Variants in CNNM1 observed in about 807,000 individuals in gnomAD.
The protein encoded by CNNM1 is cyclin and CBS domain divalent metal cation transport mediator 1.
Under a neutral mutation model 78.8 loss-of-function variants are expected in CNNM1, and 44 were observed. That is an observed-to-expected ratio of 0.56 (90% CI 0.44 to 0.72). The LOEUF (loss-of-function observed/expected upper bound fraction) is 0.72, where lower values mean the gene tolerates loss of function less well. CNNM1 is among the 30% of genes least tolerant of loss of function. The probability of loss-of-function intolerance (pLI) is 0.00; values close to 1 mark genes in which losing one functional copy is unlikely to be tolerated. For missense variants in CNNM1, 1,101 were observed against 1,292.2 expected, an observed-to-expected ratio of 0.85 and a Z score of 2.27; for synonymous variants, 584 against 581.5, an observed-to-expected ratio of 1.00 and a Z score of -0.06.
chr10:99,379,527 G>A (rs994082546), intron 7 of CNNM1, among the ~76,000 whole-genome samples: 6 of 152,128 alleles, frequency 3.9e-5, no homozygotes, highest in Non-Finnish European at 8.8e-5. Context: ...TCTGAGTGCC[G>A]GCCCATGGTG....
chr10:99,355,551 C>A (rs745565033), intron 1 of CNNM1, among the ~76,000 whole-genome samples: 8 of 152,146 alleles, frequency 5.3e-5, no homozygotes, highest in Non-Finnish European at 1.2e-4. Flanking sequence ...AAAGAACCAA[C>A]CAGATTTTTA....
intron 1 of CNNM1, among the ~76,000 whole-genome samples, chr10:99,334,628 G>A (rs2030084457): frequency 6.6e-6 from 1 of 152,140 alleles, no homozygotes; most frequent in Non-Finnish European, 1.5e-5. Context: ...TCCAGCCTGG[G>A]TGACAGAGAA....
chr10:99,384,933 G>A (rs369296375), intron 7 of CNNM1, among the ~76,000 whole-genome samples: 16 of 151,956 alleles, frequency 1.1e-4, no homozygotes, highest in African/African-American at 2.9e-4. Flanking sequence ...GCTGGGCGTC[G>A]TGGTGTGCAC....
chr10:99,372,819 G>A (rs2031846115), intron 6 of CNNM1, among the ~76,000 whole-genome samples: 1 of 152,048 alleles, frequency 6.6e-6, no homozygotes, highest in South Asian at 2.1e-4. Flanking sequence ...AGAGGGGCCG[G>A]GACTTTCTCA....
chr10:99,342,958 T>C (rs942726807), intron 1 of CNNM1, among the ~76,000 whole-genome samples: 28 of 152,210 alleles, frequency 1.8e-4, no homozygotes, highest in Middle Eastern at 3.4e-3. Flanking sequence ...CCATCTTTTT[T>C]TTTCTTTCTT....
chr10:99,331,509 A>T (rs548397807), intron 1 of CNNM1, among the ~76,000 whole-genome samples: 1 of 152,166 alleles, frequency 6.6e-6, no homozygotes, highest in Non-Finnish European at 1.5e-5. Flanking sequence ...CTAAACCCAG[A>T]CACCTTAGAC....
chr10:99,379,701 A>G (rs2032080812), intron 7 of CNNM1, among the ~76,000 whole-genome samples: 1 of 149,392 alleles, frequency 6.7e-6, no homozygotes, highest in South Asian at 2.1e-4. Context: ...CTGGTCTCAA[A>G]CTCTCAGCCT....
chr10:99,364,653 C>T, intron 5 of CNNM1, 137 bp downstream of exon 5: 1 of 708,128 alleles, frequency 1.4e-6, no homozygotes, highest in Admixed American at 3.0e-5. Flanking sequence ...GCTTTAGTTC[C>T]TTCCTCTGCA....
Position 99,387,925 on chromosome 10 carries a change from C to T in CNNM1, c.2446C>T (p.Pro816Ser), listed in dbSNP as rs934101929. ...AFTDGDSTKA[P>S]TTRGTPQTPK... is the part of the protein sequence containing the mutation. ...CACAGACGGGGACTCCACTAAGGCCCCCACAACCCGGGGCACACCCCAGAC... is the reference window on the plus strand; with the variant it reads ...CACAGACGGGGACTCCACTAAGGCCTCCACAACCCGGGGCACACCCCAGAC... Residue 816 changes from proline to serine, a missense_variant, in exon 8 of 11, where the codon CCC becomes TCC. Coordinates refer to ENST00000356713, the MANE Select transcript of CNNM1 (RefSeq NM_020348.3). The T allele has an allele frequency of 3.1e-6, 5 of 1,613,594 alleles. No individual in the cohort carries two copies. The highest frequency in any genetic ancestry group is 3.3e-4 in the Middle Eastern group (2 of 6,062).
chr10:99,393,373 T>C lies in CNNM1; in HGVS notation c.*1857T>C, dbSNP rs1046938250. The C allele has an allele frequency of 1.3e-5, 2 of 152,346 alleles. No individual in the cohort carries two copies. 9.4% of individuals were successfully genotyped at this position (152,346 alleles called of 1,614,324 possible). A position where few individuals can be genotyped will look rare whatever the true frequency, so the allele number is the denominator to read the frequency against. The stretch of plus-strand genomic sequence containing the variant: ...ACTTGGGGTCCATCACCCCAGGGGG[T>C]CCATAGTTGGACTTCAGAGGGTCTA... On this transcript the variant is annotated 3_prime_UTR_variant, in exon 11 of 11. Transcript: ENST00000356713.
rs550762461 is a variant in CNNM1, at chr10:99,383,494, G to A, written c.2341-4326G>A. 3.9e-5 allele frequency among the ~76,000 whole-genome samples: 6 copies of A among 152,204 alleles called. No homozygotes were observed. The South Asian group carries it at 8.3e-4, about 21-fold the overall frequency. ...TCACCATGTTGGTCAGGCTGATCTC[G>A]AACTCCTGACCTTGTGATCCGCCCG... On this transcript the variant is annotated intron_variant, in intron 7 of 10. Coordinates refer to ENST00000356713, the MANE Select transcript of CNNM1 (RefSeq NM_020348.3).
At chr10:99,377,017 T>G in intron 6 of CNNM1, 38 bp from the exon 7 acceptor site, 2 of 560,148 alleles carry the variant, frequency 3.6e-6, no homozygotes, top group East Asian at 5.7e-5. Context: ...TCCCCACCCA[T>G]CCCTCCTTGT....
chr10:99,339,398 G>A (rs1350623554), intron 1 of CNNM1, among the ~76,000 whole-genome samples: 2 of 152,208 alleles, frequency 1.3e-5, no homozygotes, highest in Admixed American at 1.3e-4. Flanking sequence ...CAAAGCAGGG[G>A]TCCCTAACCC....
intron 1 of CNNM1, among the ~76,000 whole-genome samples, chr10:99,352,032 A>AT (rs552299642): frequency 5.2e-4 from 79 of 152,290 alleles, no homozygotes; most frequent in African/African-American, 1.9e-3. Context: ...CACTTAATGC[A>AT]TTTTTGTATA....
intron 1 of CNNM1, among the ~76,000 whole-genome samples, chr10:99,341,002 T>A (rs2030435480): frequency 6.6e-6 from 1 of 151,996 alleles, no homozygotes; most frequent in Admixed American, 6.6e-5. Flanking sequence ...TCCTAGGGCT[T>A]GCAGTCGAGT....
chr10:99,350,296 A>G (rs2030891563), intron 1 of CNNM1, among the ~76,000 whole-genome samples: 1 of 152,260 alleles, frequency 6.6e-6, no homozygotes, highest in African/African-American at 2.4e-5. Context: ...GTCACAAGTG[A>G]GGCAGAAACC....
rs946892465 is a variant in CNNM1, at chr10:99,347,172, G to A, written c.1574-10340G>A. ...GATAACAAACCTGCACATATACCCC[G>A]AACCTAAAATAAAAGTTAAAAGAAA... On this transcript the variant is annotated intron_variant, in intron 1 of 10. Coordinates refer to ENST00000356713, the MANE Select transcript of CNNM1 (RefSeq NM_020348.3). Among the ~76,000 whole-genome samples the A allele has an allele frequency of 5.3e-5, 8 of 149,700 alleles. No individual in the cohort carries two copies. The Middle Eastern group carries it at 0.01, about 192-fold the overall frequency.
At chr10:99,333,072 T>C (rs1202671494) in intron 1 of CNNM1, among the ~76,000 whole-genome samples, 1 of 152,168 alleles carries the variant, frequency 6.6e-6, no homozygotes, top group Non-Finnish European at 1.5e-5. Flanking sequence ...CTCCTTGGCT[T>C]GCAGTCACCA....
intron 1 of CNNM1, among the ~76,000 whole-genome samples, chr10:99,332,662 G>A (rs1188836074): frequency 6.6e-6 from 1 of 152,106 alleles, no homozygotes; most frequent in Non-Finnish European, 1.5e-5. Flanking sequence ...CACAATTTTT[G>A]AAATCATATT....
Sources: gnomAD v4.1 joint callset for allele counts (sites outside exome capture counted in the v4.1 genomes callset) on GRCh38, gnomAD v4.1.1 for gene constraint, MANE v1.5 for transcripts, NCBI Gene and HGNC (gene_info 2026-07-23, HGNC 2026-07-21) for gene names.